The following CBFA2T2 variants were observed in gnomAD, a reference collection of about 807,000 sequenced individuals.
The protein encoded by CBFA2T2 is protein CBFA2T2.
CBFA2T2 carries 11 observed loss-of-function variants against 62.2 expected under a neutral mutation model. The observed-to-expected ratio is 0.18, with a 90% confidence interval of 0.11 to 0.29. The LOEUF (loss-of-function observed/expected upper bound fraction) is 0.29, where lower values mean the gene tolerates loss of function less well. Among genes scored for constraint, CBFA2T2 ranks in the 10% least tolerant of loss-of-function variants. The probability of loss-of-function intolerance (pLI) is 1.00; values close to 1 mark genes in which losing one functional copy is unlikely to be tolerated. For missense variants in CBFA2T2, 592 were observed against 774.1 expected, an observed-to-expected ratio of 0.76 and a Z score of 2.79; for synonymous variants, 295 against 287.5, an observed-to-expected ratio of 1.03 and a Z score of -0.27.
rs1568848796 is a variant in CBFA2T2 at position 33,607,038 on chromosome 20, G to A, written c.117G>A (p.Met39Ile). ...KIQSRSSPPT[M>I]PPLPPINPGG... ...AGTCCAGATCCTCACCTCCCACCAT[G>A]CCACCCCTCCCACCAATAAATCCTG... is the stretch of plus-strand genomic sequence containing the variant. Residue 39 changes from methionine (M) to isoleucine (I), a missense_variant, in exon 2 of 11, where the codon ATG becomes ATA. This residue lies in a region of CBFA2T2 where 449 missense variants were observed against 551.2 expected (regional missense o/e 0.81). Coordinates refer to ENST00000342704, the MANE Select transcript of CBFA2T2 (RefSeq NM_001032999.3). 6.2e-7 allele frequency: 1 copy of A among 1,613,986 alleles called. No individual in the cohort carries two copies. Among genetic ancestry groups the A allele is most frequent in the Admixed American group, 1.7e-5 (1 of 59,978 alleles).
chr20:33,513,569 G>A (rs1328192600), intron 1 of CBFA2T2, among the ~76,000 whole-genome samples: 1 of 151,620 alleles, frequency 6.6e-6, no homozygotes, highest in Non-Finnish European at 1.5e-5. Context: ...CACCATGTTG[G>A]CCAGGCAGGT....
Position 33,590,538 on chromosome 20 carries a change from C to T in CBFA2T2, c.35-16418C>T, listed in dbSNP as rs568591470. Reference sequence around the variant, plus strand: ...TCAAATATTTGAGAGTGGTAGGACCCCAGAAGAACTCTTACCAACTGATGG... The same window carrying T: ...TCAAATATTTGAGAGTGGTAGGACCTCAGAAGAACTCTTACCAACTGATGG... On this transcript the variant is annotated intron_variant, in intron 1 of 10. Coordinates refer to ENST00000342704, the MANE Select transcript of CBFA2T2 (RefSeq NM_001032999.3). 2.6e-5 allele frequency among the ~76,000 whole-genome samples: 4 copies of T among 152,150 alleles called. No individual in the cohort carries two copies. The South Asian group carries it at 8.3e-4, about 32-fold the overall frequency.
At position 33,595,424 on chromosome 20, in the gene CBFA2T2, A is replaced by G. The variant is rs558543066; in HGVS notation, c.35-11532A>G. Among the ~76,000 whole-genome samples, 8 of 152,146 alleles carry G rather than the reference A, an allele frequency of 5.3e-5. No individual in the cohort carries two copies. In the East Asian group the frequency reaches 1.4e-3, roughly 26 times the overall value. On this transcript the variant is annotated intron_variant, in intron 1 of 10. Transcript: ENST00000342704. ...ACGGGGTTTCACCACGTTGGCCAGGATGGTCTCGATCTCTTGACCTTGTGA... is the reference window on the plus strand; with the variant it reads ...ACGGGGTTTCACCACGTTGGCCAGGGTGGTCTCGATCTCTTGACCTTGTGA...
At chr20:33,597,532 T>C (rs2014944406) in intron 1 of CBFA2T2, among the ~76,000 whole-genome samples, 1 of 152,130 alleles carries the variant, frequency 6.6e-6, no homozygotes. Context: ...TCCTGCCAGA[T>C]CAGCCATGGC....
At chr20:33,577,219 A>C (rs2013874108) in intron 1 of CBFA2T2, among the ~76,000 whole-genome samples, 1 of 152,170 alleles carries the variant, frequency 6.6e-6, no homozygotes, top group South Asian at 2.1e-4. Context: ...GCCTATACTA[A>C]GTATTTATCC....
intron 1 of CBFA2T2, among the ~76,000 whole-genome samples, chr20:33,551,363 T>C (rs2012736879): frequency 1.3e-5 from 2 of 151,944 alleles, no homozygotes. Flanking sequence ...ATTACAGGCA[T>C]GCACCACCAC....
At chr20:33,579,454 T>C (rs866598238) in intron 1 of CBFA2T2, among the ~76,000 whole-genome samples, 40 of 152,122 alleles carry the variant, frequency 2.6e-4, no homozygotes, top group Non-Finnish European at 3.1e-4. Flanking sequence ...AATTTTATGG[T>C]TTGTGCTTTT....
intron 1 of CBFA2T2, among the ~76,000 whole-genome samples, chr20:33,565,979 A>C (rs1421900839): frequency 6.6e-6 from 1 of 152,240 alleles, no homozygotes; most frequent in Non-Finnish European, 1.5e-5. Context: ...GGGTCAGTTC[A>C]TTGATGGTTA....
intron 1 of CBFA2T2, among the ~76,000 whole-genome samples, chr20:33,519,971 A>G (rs978235647): frequency 3.9e-5 from 6 of 152,002 alleles, no homozygotes; most frequent in Non-Finnish European, 7.4e-5. Context: ...ATGTGGAAGA[A>G]ACCTCATCTC....
At chr20:33,524,891 G>A (rs1315781536) in intron 1 of CBFA2T2, among the ~76,000 whole-genome samples, 3 of 152,260 alleles carry the variant, frequency 2.0e-5, no homozygotes, top group African/African-American at 7.2e-5. Flanking sequence ...ATGGAGTACA[G>A]TGGCACGATC....
chr20:33,642,979 C>G (rs1311980398), intron 10 of CBFA2T2, among the ~76,000 whole-genome samples: 1 of 152,214 alleles, frequency 6.6e-6, no homozygotes, highest in Non-Finnish European at 1.5e-5. Context: ...AAATCACTTT[C>G]AAAAGCAGGG....
intron 1 of CBFA2T2, among the ~76,000 whole-genome samples, chr20:33,592,419 A>G (rs1269248171): frequency 2.0e-5 from 3 of 147,796 alleles, no homozygotes; most frequent in African/African-American, 7.4e-5. Flanking sequence ...ATATATAATT[A>G]TGTAAAAATT....
intron 4 of CBFA2T2, among the ~76,000 whole-genome samples, chr20:33,621,427 G>C (rs1327371177): frequency 6.6e-6 from 1 of 150,684 alleles, no homozygotes; most frequent in Non-Finnish European, 1.5e-5. Context: ...CTCCAGTGTA[G>C]CTGGGACTAC....
intron 2 of CBFA2T2, among the ~76,000 whole-genome samples, chr20:33,610,640 A>C (rs1037644618): frequency 8.5e-5 from 13 of 152,134 alleles, no homozygotes; most frequent in Non-Finnish European, 1.8e-4. Context: ...ATATTATCAT[A>C]ACTCTTTTTT....
At chr20:33,572,100 C>T (rs1343858213) in intron 1 of CBFA2T2, among the ~76,000 whole-genome samples, 1 of 152,166 alleles carries the variant, frequency 6.6e-6, no homozygotes, top group East Asian at 1.9e-4. Flanking sequence ...GCCATGTTGG[C>T]CAGGCTGGTC....
chr20:33,581,480 TTGTGTGTGTGTG>T (rs3051490), intron 1 of CBFA2T2, among the ~76,000 whole-genome samples: 1 of 150,558 alleles, frequency 6.6e-6, no homozygotes, highest in Admixed American at 6.6e-5. Flanking sequence ...TTTTTGTTCT[TTGTGTGTGTGTG>T]TGTGTGTGTC....
intron 1 of CBFA2T2, among the ~76,000 whole-genome samples, chr20:33,553,102 G>A (rs1328509493): frequency 6.6e-6 from 1 of 152,164 alleles, no homozygotes; most frequent in African/African-American, 2.4e-5. Context: ...TAGACTGTAA[G>A]CTCCCTGAGA....
At chr20:33,542,442 T>G (rs1000885617) in intron 1 of CBFA2T2, among the ~76,000 whole-genome samples, 2 of 152,154 alleles carry the variant, frequency 1.3e-5, no homozygotes, top group Non-Finnish European at 2.9e-5. Flanking sequence ...GTTTTAAATT[T>G]TTTTTTATTA....
At chr20:33,490,401 T>C in intron 1 of CBFA2T2, 100 bp downstream of exon 1, 1 of 1,128,764 alleles carries the variant, frequency 8.9e-7, no homozygotes, top group Non-Finnish European at 1.1e-6. Flanking sequence ...AGGCCGGGAG[T>C]GGAAACTGAG....
Sources: gnomAD v4.1 joint callset for allele counts (sites outside exome capture counted in the v4.1 genomes callset) on GRCh38, gnomAD v4.1.1 for gene constraint, gnomAD v4.1.1 regional missense constraint, MANE v1.5 for transcripts, NCBI Gene and HGNC (gene_info 2026-07-23, HGNC 2026-07-21) for gene names.